Variants in ZNF860 observed in about 807,000 individuals in gnomAD.
ZNF860 encodes zinc finger protein 860.
For synonymous variants in ZNF860, 206 were observed against 248.9 expected (o/e 0.83, Z 1.62); for missense variants, 641 against 759.2 (o/e 0.84, Z 1.83).
At chr3:31,992,569 G>A (rs1175647581), downstream of ZNF860, among the ~76,000 whole-genome samples, 1 of 152,082 alleles carries the variant, frequency 6.6e-6, no homozygotes, top group Non-Finnish European at 1.5e-5. Context: ...CCAATCTCTG[G>A]TTCTGTCATT....
chr3:32,001,544 C>T, the ZNF860 span, among the ~76,000 whole-genome samples: 9 of 152,012 alleles, frequency 5.9e-5, no homozygotes, highest in African/African-American at 2.2e-4. Context: ...AATAGGGAAA[C>T]CAGTAAGATG....
At chr3:31,992,836 GT>G (rs910176215), downstream of ZNF860, among the ~76,000 whole-genome samples, 3 of 152,132 alleles carry the variant, frequency 2.0e-5, no homozygotes, top group Admixed American at 6.5e-5. Context: ...TGTCCAGAAA[GT>G]TTTTTAAATA....
rs186046779 is a variant in ZNF860 at position 31,989,367 on chromosome 3, C to T, written c.288C>T (p.His96=). Residue 96 remains histidine (H), a synonymous_variant, in exon 2 of 2, where the codon CAC becomes CAT. Coordinates refer to ENST00000360311, the MANE Select transcript of ZNF860 (RefSeq NM_001137674.3). ...CATTAGAAAGACATGAAAGTCATCA[C>T]ATTGGAGATTTTTGCTTCCAGAAAA... ...TGTLERHESH[H]IGDFCFQKIG... is the part of the protein sequence containing the mutation. 6.1e-5 allele frequency: 99 copies of T among 1,614,180 alleles called. No individual in the cohort carries two copies. In the Admixed American group the frequency reaches 8.7e-4, roughly 14 times the overall value.
intron 1 of ZNF860, among the ~76,000 whole-genome samples, chr3:31,985,015 G>A (rs1335557290): frequency 2.0e-5 from 3 of 152,202 alleles, no homozygotes; most frequent in Non-Finnish European, 1.5e-5. Flanking sequence ...AAGGTGGGCG[G>A]GTCACGTGAG....
rs1699025498 is a variant in ZNF860, at chr3:31,991,212, A to C, written c.*234A>C. The C allele has an allele frequency of 2.0e-6, 1 of 497,326 alleles. No homozygotes were observed. Among genetic ancestry groups the C allele is most frequent in the South Asian group, 3.2e-5 (1 of 31,688 alleles). 30.8% of individuals were successfully genotyped at this position (497,326 alleles called of 1,614,324 possible). A position where few individuals can be genotyped will look rare whatever the true frequency, so the allele number is the denominator to read the frequency against. ...TGTAATCCCAGCACTGTGGGAGGTC[A>C]AGACGGATAGATCACTTGAGGTCAG... On this transcript the variant is annotated 3_prime_UTR_variant, in exon 2 of 2. Coordinates refer to ENST00000360311, the MANE Select transcript of ZNF860 (RefSeq NM_001137674.3).
At position 31,990,369 on chromosome 3, in the gene ZNF860, A is replaced by G. The variant is rs1346278779; in HGVS notation, c.1290A>G (p.Lys430=). The G allele has an allele frequency of 6.2e-6, 10 of 1,614,122 alleles. No individual in the cohort carries two copies. The highest frequency in any genetic ancestry group is 8.5e-6 in the Non-Finnish European group (10 of 1,179,996). ...HNEERSYKCN[K]CGKFFRRRSY... ...AAGAGAGATCTTACAAGTGTAATAA[A>G]TGTGGCAAATTTTTTAGACGTCGTT... is the stretch of plus-strand genomic sequence containing the variant. Residue 430 remains lysine, a synonymous_variant, in exon 2 of 2, where the codon AAA becomes AAG. Coordinates refer to ENST00000360311, the MANE Select transcript of ZNF860 (RefSeq NM_001137674.3).
Position 31,989,862 on chromosome 3 carries a change from T to A in ZNF860, c.783T>A (p.Asp261Glu). The change falls in exon 2 of 2, where the codon GAT (aspartate) becomes GAA (glutamate). Residue 261 changes from aspartate (D) to glutamate (E), a missense_variant. By Grantham distance (45) the Asp-to-Glu change is conservative. Coordinates refer to ENST00000360311, the MANE Select transcript of ZNF860 (RefSeq NM_001137674.3). ...IYLGGKQYKC[D>E]VCGKVFNQKR... ...TAGGAGGGAAACAATATAAATGTGA[T>A]GTATGTGGCAAGGTCTTTAATCAGA... 1 of 1,614,188 alleles carries A rather than the reference T, an allele frequency of 6.2e-7. No homozygotes were observed.
the ZNF860 span, among the ~76,000 whole-genome samples, chr3:32,006,392 T>G: frequency 6.6e-6 from 1 of 152,356 alleles, no homozygotes; most frequent in East Asian, 1.9e-4. Flanking sequence ...TCCCTTTCTG[T>G]AAGCCAGTTG....
rs377738171 is a variant in ZNF860 at position 31,985,637 on chromosome 3, T to G, written c.-420-3023T>G. On this transcript the variant is annotated intron_variant, in intron 1 of 1. Coordinates refer to ENST00000360311, the MANE Select transcript of ZNF860 (RefSeq NM_001137674.3). ...GTAAGTGAGTGGACATTGACTTCAT[T>G]GGCCAGATGACAGGAATGAAGCTTG... 2.0e-5 allele frequency among the ~76,000 whole-genome samples: 3 copies of G among 152,296 alleles called. No homozygotes were observed. In the South Asian group the frequency reaches 6.2e-4, roughly 32 times the overall value.
Position 31,989,897 on chromosome 3 carries a change from T to G in ZNF860, c.818T>G (p.Leu273Arg), listed in dbSNP as rs1698999788. 1 of 1,614,078 alleles carries G rather than the reference T, an allele frequency of 6.2e-7. No individual in the cohort carries two copies. The highest frequency in any genetic ancestry group is 8.5e-7 in the Non-Finnish European group (1 of 1,180,038). ...AAGGTCTTTAATCAGAAGCGATACC[T>G]TGCATGCCATCATAGATGTCACACT... ...CGKVFNQKRYLACHHRCHTGE... is the reference protein window; with the variant it reads ...CGKVFNQKRYRACHHRCHTGE... The change falls in exon 2 of 2, where the codon CTT becomes CGT. Residue 273 changes from leucine (L) to arginine (R), a missense_variant. Leu to Arg is a moderately radical substitution (Grantham distance 102). Coordinates refer to ENST00000360311, the MANE Select transcript of ZNF860 (RefSeq NM_001137674.3).
chr3:31,989,192 G>A lies in ZNF860; in HGVS notation c.113G>A (p.Trp38Ter). The change falls in exon 2 of 2, where the codon TGG becomes TAG. Residue 38 changes from tryptophan (W) to a stop codon, truncating the protein, a stop_gained. Coordinates refer to ENST00000360311, the MANE Select transcript of ZNF860 (RefSeq NM_001137674.3). LOFTEE classifies it low-confidence loss of function (END_TRUNC). ...GCTATAGAATTCTCTTTGGAGGAGT[G>A]GAAATGCCTGGACCCTACGCAGAGG... ...DVAIEFSLEE[W>*]KCLDPTQRAL... The A allele has an allele frequency of 6.2e-7, 1 of 1,614,096 alleles. No homozygotes were observed. The highest frequency in any genetic ancestry group is 8.5e-7 in the Non-Finnish European group (1 of 1,180,018).
At chr3:31,997,165 T>C in the ZNF860 span, among the ~76,000 whole-genome samples, 1 of 152,188 alleles carries the variant, frequency 6.6e-6, no homozygotes, top group Non-Finnish European at 1.5e-5. Flanking sequence ...GCATGCCCGA[T>C]TTATGTGCAC....
At chr3:31,999,572 G>A in the ZNF860 span, among the ~76,000 whole-genome samples, 1 of 151,860 alleles carries the variant, frequency 6.6e-6, no homozygotes, top group South Asian at 2.1e-4. Flanking sequence ...GTTTTTTTAG[G>A]CTGGTCTCGA....
chr3:31,988,836 C>G lies in ZNF860; in HGVS notation c.-244C>G. The G allele has an allele frequency of 1.8e-6, 1 of 558,668 alleles. No homozygotes were observed. The highest frequency in any genetic ancestry group is 3.0e-5 in the East Asian group (1 of 33,646). The allele number at this position is 558,668 out of a possible 1,614,324, so 34.6% of individuals were successfully genotyped here. On this transcript the variant is annotated 5_prime_UTR_variant, in exon 2 of 2. Transcript: ENST00000360311. The stretch of plus-strand genomic sequence containing the variant: ...GGAAGTAGGTTGTCACCAGTCAAGC[C>G]TTGAGATGACTGCAGCCATGACCCA...
downstream of ZNF860, among the ~76,000 whole-genome samples, chr3:31,995,647 G>A (rs12635070): frequency 0.16 from 24,799 of 152,086 alleles, 2,256 homozygotes; most frequent in South Asian, 0.32. Context: ...CTCAGCTTAC[G>A]AAGATAACAG....
chr3:31,989,406 T>A lies in ZNF860; in HGVS notation c.327T>A (p.Ile109=). Residue 109 remains isoleucine (I), a synonymous_variant, in exon 2 of 2, where the codon ATT becomes ATA. Coordinates refer to ENST00000360311, the MANE Select transcript of ZNF860 (RefSeq NM_001137674.3). ...GCTTCCAGAAAATTGGGAAAGATATTCATGACTTTGAGTTTCAATGGCAAG... is the reference window on the plus strand; with the variant it reads ...GCTTCCAGAAAATTGGGAAAGATATACATGACTTTGAGTTTCAATGGCAAG... ...DFCFQKIGKD[I]HDFEFQWQED... 6.2e-7 allele frequency: 1 copy of A among 1,614,142 alleles called. No homozygotes were observed. Among genetic ancestry groups the A allele is most frequent in the South Asian group, 1.1e-5 (1 of 91,064 alleles).
the ZNF860 span, among the ~76,000 whole-genome samples, chr3:32,001,737 G>GT: frequency 1.4e-5 from 2 of 146,824 alleles, no homozygotes; most frequent in Non-Finnish European, 1.5e-5. Context: ...AATATCAAGT[G>GT]TAAAAAAAAA....
At chr3:32,003,776 A>G in the ZNF860 span, among the ~76,000 whole-genome samples, 1 of 152,094 alleles carries the variant, frequency 6.6e-6, no homozygotes, top group African/African-American at 2.4e-5. Flanking sequence ...CACTGAGGGC[A>G]CCTCTCTCTG....
intron 1 of ZNF860, among the ~76,000 whole-genome samples, chr3:31,988,194 G>C (rs1445933355): frequency 2.0e-5 from 3 of 152,154 alleles, no homozygotes; most frequent in East Asian, 3.8e-4. Context: ...ATTGTGTTTT[G>C]AGTGTGAAGG....
Sources: allele counts gnomAD v4.1 joint callset (sites outside exome capture counted in the v4.1 genomes callset), GRCh38; gene constraint gnomAD v4.1.1; transcripts MANE v1.5; gene names NCBI Gene and HGNC (gene_info 2026-07-23, HGNC 2026-07-21).